ADAM7: variants seen among roughly 807,000 people sequenced by gnomAD.
ADAM7 encodes the protein ADAM metallopeptidase domain 7, also known as disintegrin and metalloproteinase domain-containing protein 7.
ADAM7 carries 97 observed loss-of-function variants against 102.9 expected under a neutral mutation model. That is an observed-to-expected ratio of 0.94 (90% CI 0.80 to 1.12). The LOEUF (loss-of-function observed/expected upper bound fraction) is 1.12, where lower values mean the gene tolerates loss of function less well. ADAM7 is among the 50% of genes most tolerant of loss of function. ADAM7 has a pLI of 0.00. For missense variants in ADAM7, 991 were observed against 908.7 expected, an observed-to-expected ratio of 1.09 and a Z score of -1.16; for synonymous variants, 334 against 304.4, an observed-to-expected ratio of 1.10 and a Z score of -1.01.
At chr8:24,468,230 C>A (rs543068693) in intron 6 of ADAM7, among the ~76,000 whole-genome samples, 1 of 151,620 alleles carries the variant, frequency 6.6e-6, no homozygotes, top group Non-Finnish European at 1.5e-5. Flanking sequence ...TGTTTTAACT[C>A]TCAGTTACAG....
Position 24,492,022 on chromosome 8 carries a change from C to T in ADAM7, c.1476C>T (p.Cys492=), listed in dbSNP as rs1160535375. Residue 492 remains cysteine (C), a synonymous_variant, in exon 14 of 22, where the codon TGC becomes TGT. Coordinates refer to ENST00000175238, the MANE Select transcript of ADAM7 (RefSeq NM_003817.4). ...AGTTCAGGGTCAATGGATTTCCTTGCAAGAACTCAGAAGGCTACTGTTTCA... is the reference window on the plus strand; with the variant it reads ...AGTTCAGGGTCAATGGATTTCCTTGTAAGAACTCAGAAGGCTACTGTTTCA... ...KDQFRVNGFP[C]KNSEGYCFMG... 4.3e-6 allele frequency: 7 copies of T among 1,613,984 alleles called. No individual in the cohort carries two copies. The highest frequency in any genetic ancestry group is 5.9e-6 in the Non-Finnish European group (7 of 1,179,880).
intron 3 of ADAM7, among the ~76,000 whole-genome samples, chr8:24,455,386 A>G (rs1241189784): frequency 6.6e-6 from 1 of 152,184 alleles, no homozygotes; most frequent in Admixed American, 6.5e-5. Context: ...GAACAAGGTT[A>G]GCATTAGAGT....
chr8:24,458,045 T>C (rs1245127528), intron 3 of ADAM7, among the ~76,000 whole-genome samples: 2 of 152,344 alleles, frequency 1.3e-5, no homozygotes, highest in South Asian at 4.1e-4. Flanking sequence ...TTCTATCTTA[T>C]TCATCTATTT....
intron 17 of ADAM7, 75 bp downstream of exon 17, chr8:24,499,391 T>G (rs1820669565): frequency 9.9e-7 from 1 of 1,009,360 alleles, no homozygotes; most frequent in Admixed American, 2.7e-5. Flanking sequence ...TATATGTGCA[T>G]GTATATGTAT....
chr8:24,487,413 G>A (rs1367747058), intron 11 of ADAM7, 96 bp downstream of exon 11: 41 of 1,407,962 alleles, frequency 2.9e-5, no homozygotes, highest in African/African-American at 7.2e-5. Context: ...TTGGGAGGCC[G>A]AGGCAGGTGG....
rs376065779 is a variant in ADAM7 at position 24,482,526 on chromosome 8, T to C, written c.875+215T>C. 5.9e-5 allele frequency among the ~76,000 whole-genome samples: 9 copies of C among 152,194 alleles called. No individual in the cohort carries two copies. The East Asian group carries it at 1.2e-3, about 20-fold the overall frequency. On this transcript the variant is annotated intron_variant, in intron 9 of 21. Coordinates refer to ENST00000175238, the MANE Select transcript of ADAM7 (RefSeq NM_003817.4). The stretch of plus-strand genomic sequence containing the variant: ...ATTTTAGGAGACCAAAGTAGAAGGA[T>C]TGTTTTAGCCTAGGAGTTCAAGACC...
In ADAM7 at chr8:24,507,546, C is replaced by T; in HGVS notation, c.2264+11C>T. On this transcript the variant is annotated intron_variant, in intron 21 of 21. Transcript: ENST00000175238. ...TCAAAGTGCCAAGTGGTAGGTTACC[C>T]TGACAGATAGTACCTCCCTTTTTTA... 1 of 1,603,044 alleles carries T rather than the reference C, an allele frequency of 6.2e-7. No homozygotes were observed. The highest frequency in any genetic ancestry group is 1.1e-5 in the South Asian group (1 of 90,838).
intron 6 of ADAM7, among the ~76,000 whole-genome samples, chr8:24,468,457 C>G (rs1264382471): frequency 1.3e-5 from 2 of 151,630 alleles, no homozygotes; most frequent in Non-Finnish European, 2.9e-5. Flanking sequence ...CACATGCTCA[C>G]CCATGTAACA....
intron 3 of ADAM7, among the ~76,000 whole-genome samples, chr8:24,458,070 A>G (rs1819105020): frequency 6.6e-6 from 1 of 152,188 alleles, no homozygotes; most frequent in Non-Finnish European, 1.5e-5. Flanking sequence ...TCTGTAAGCC[A>G]TGGCCAAACT....
chr8:24,446,272 T>C (rs999233146), intron 2 of ADAM7, among the ~76,000 whole-genome samples: 11 of 152,042 alleles, frequency 7.2e-5, no homozygotes, highest in Non-Finnish European at 1.2e-4. Flanking sequence ...AATAACTAAA[T>C]AAATAAAGGA....
At chr8:24,447,664 T>C (rs1193561078) in intron 3 of ADAM7, among the ~76,000 whole-genome samples, 1 of 152,194 alleles carries the variant, frequency 6.6e-6, no homozygotes, top group African/African-American at 2.4e-5. Flanking sequence ...CTAAGAAATG[T>C]AGCGCATTTG....
At position 24,471,465 on chromosome 8, in the gene ADAM7, GT is replaced by G. The variant is rs35486240; in HGVS notation, c.633+2657del. ...TAAGTTCCCTAAGGAAGTGTACCAG[GT>G]TTTTTTTTTTTGTCATTTATACCAT... On this transcript the variant is annotated intron_variant, in intron 7 of 21. Transcript: ENST00000175238. Among the ~76,000 whole-genome samples, 223 of 146,582 alleles carry G rather than the reference GT, an allele frequency of 1.5e-3. 1 individual carries two copies. The highest frequency in any genetic ancestry group is 2.4e-3 in the Non-Finnish European group (159 of 66,666).
At chr8:24,463,832 C>A in intron 3 of ADAM7, 50 bp from the exon 4 acceptor site, 3 of 1,472,758 alleles carry the variant, frequency 2.0e-6, no homozygotes, top group South Asian at 1.1e-5. Context: ...TTTTATCTGT[C>A]AGGTTTTTAG....
intron 3 of ADAM7, among the ~76,000 whole-genome samples, chr8:24,458,216 G>A (rs1047763591): frequency 6.6e-6 from 1 of 152,074 alleles, no homozygotes; most frequent in Non-Finnish European, 1.5e-5. Flanking sequence ...TCTATTAAAA[G>A]GCCCGCTGCA....
At chr8:24,485,388 T>A in intron 10 of ADAM7, 27 bp downstream of exon 10, 1 of 1,586,920 alleles carries the variant, frequency 6.3e-7, no homozygotes, top group Non-Finnish European at 8.6e-7. Flanking sequence ...TTATATTACT[T>A]AATAATGTTT....
chr8:24,482,841 A>G (rs1162136261), intron 9 of ADAM7, among the ~76,000 whole-genome samples: 2 of 152,194 alleles, frequency 1.3e-5, no homozygotes, highest in African/African-American at 2.4e-5. Flanking sequence ...TGATATATTC[A>G]TATTCCTTGG....
chr8:24,449,095 T>C (rs1397669796), intron 3 of ADAM7, among the ~76,000 whole-genome samples: 1 of 152,228 alleles, frequency 6.6e-6, no homozygotes, highest in African/African-American at 2.4e-5. Flanking sequence ...CTATTGTGAA[T>C]AGAGCCGCAA....
Position 24,485,293 on chromosome 8 carries a change from T to G in ADAM7, c.892T>G (p.Ser298Ala). 6.2e-7 allele frequency: 1 copy of G among 1,613,566 alleles called. No individual in the cohort carries two copies. The highest frequency in any genetic ancestry group is 1.7e-4 in the Middle Eastern group (1 of 6,052). The change falls in exon 10 of 22, where the codon TCA becomes GCA. Residue 298 changes from serine (S) to alanine (A), a missense_variant. Coordinates refer to ENST00000175238, the MANE Select transcript of ADAM7 (RefSeq NM_003817.4). ...VVLLSGKWLYSHVQGISYPGG... is the reference protein window; with the variant it reads ...VVLLSGKWLYAHVQGISYPGG... The stretch of plus-strand genomic sequence containing the variant: ...TTTTCATAGTGGGAAGTGGCTCTAC[T>G]CACATGTGCAAGGAATTTCTTATCC...
chr8:24,490,668 T>C (rs1169162984), intron 12 of ADAM7, 131 bp from the exon 13 acceptor site: 2 of 834,000 alleles, frequency 2.4e-6, no homozygotes, highest in Admixed American at 2.4e-5. Context: ...TCTTTATGTA[T>C]GTACCACAGC....
Sources: allele counts gnomAD v4.1 joint callset (sites outside exome capture counted in the v4.1 genomes callset), GRCh38; gene constraint gnomAD v4.1.1; transcripts MANE v1.5; gene names NCBI Gene and HGNC (gene_info 2026-07-23, HGNC 2026-07-21).